The following ZFHX3 variants were observed in gnomAD, a reference collection of about 807,000 sequenced individuals.
The protein encoded by ZFHX3 is zinc finger homeobox 3, also known as zinc finger homeobox protein 3.
Under a neutral mutation model 279.1 loss-of-function variants are expected in ZFHX3, and 42 were observed. The observed-to-expected ratio is 0.15, with a 90% CI of 0.12 to 0.19. The LOEUF is 0.19. Among genes scored for constraint, ZFHX3 ranks in the 10% least tolerant of loss-of-function variants. The pLI, the probability that ZFHX3 is intolerant of heterozygous loss-of-function variation, is 1.00. For missense variants in ZFHX3, 4,981 were observed against 4,754.0 expected (o/e 1.05, Z -1.40); for synonymous variants, 2,293 against 1,957.8 (o/e 1.17, Z -4.52).
Position 72,793,667 on chromosome 16 carries a change from C to A in ZFHX3, c.9015G>T (p.Lys3005Asn). 6.2e-7 allele frequency: 1 copy of A among 1,614,170 alleles called. No homozygotes were observed. Residue 3005 changes from lysine (K) to asparagine (N), a missense_variant, in exon 9 of 10, where the codon AAG becomes AAT. Transcript: ENST00000268489. The surrounding 1 kb of genome is among the most constrained non-coding windows in gnomAD (Gnocchi z 4.3). The stretch of plus-strand genomic sequence containing the variant: ...TACCAAAATGCTTGGCCATGCTTAA[C>A]TTGGACTTCTTTTCTTTTGCCCGGG... ...QNARAKEKKS[K>N]LSMAKHFGIN...
intron 2 of ZFHX3, among the ~76,000 whole-genome samples, chr16:73,666,826 G>C (rs1286418623): frequency 2.0e-5 from 3 of 151,796 alleles, no homozygotes; most frequent in Non-Finnish European, 4.4e-5. Context: ...ACCTGGTTTT[G>C]CTTTTTCCAG....
intron 1 of ZFHX3, among the ~76,000 whole-genome samples, chr16:73,055,678 A>ACG (rs141836776): frequency 0.037 from 4,387 of 116,992 alleles, 139 homozygotes; most frequent in African/African-American, 0.091. Flanking sequence ...GTGCAGACGT[A>ACG]CGCGCGCGCG....
chr16:73,459,814 C>G (rs764847009), intron 2 of ZFHX3, among the ~76,000 whole-genome samples: 5 of 151,922 alleles, frequency 3.3e-5, no homozygotes, highest in Non-Finnish European at 7.4e-5. Context: ...GGAAAGAGCC[C>G]CTTACAAAAC....
intron 1 of ZFHX3, chr16:73,015,915 G>C (rs1367271239): frequency 6.6e-6 from 1 of 152,232 alleles, no homozygotes; most frequent in Non-Finnish European, 1.5e-5. Context: ...TCCAGGACTG[G>C]GTTTTACACA....
intron 3 of ZFHX3, among the ~76,000 whole-genome samples, chr16:73,416,678 C>T (rs1158880621): frequency 6.6e-6 from 1 of 152,024 alleles, no homozygotes; most frequent in East Asian, 1.9e-4. Flanking sequence ...TCGAGACCAT[C>T]CTGGCTAACA....
At position 72,797,705 on chromosome 16, in the gene ZFHX3, G is replaced by C; in HGVS notation, c.4977C>G (p.Gly1659=). The change falls in exon 9 of 10, where the codon GGC becomes GGG. Residue 1659 remains glycine, a synonymous_variant. Coordinates refer to ENST00000268489, the MANE Select transcript of ZFHX3 (RefSeq NM_006885.4). Reference sequence around the variant, plus strand: ...GATTGGAGGTGGTAAAGGTGTTACTGCCACTGGTGCTCACAGGACTTGGCG... The same window carrying C: ...GATTGGAGGTGGTAAAGGTGTTACTCCCACTGGTGCTCACAGGACTTGGCG... ...SSTPSPVSTS[G]SNTFTTSNPS... is the part of the protein sequence containing the mutation. 2 of 1,614,128 alleles carry C rather than the reference G, an allele frequency of 1.2e-6. No individual in the cohort carries two copies. Among genetic ancestry groups the C allele is most frequent in the Non-Finnish European group, 1.7e-6 (2 of 1,180,032 alleles).
chr16:73,474,797 T>C (rs1051469814), intron 2 of ZFHX3, among the ~76,000 whole-genome samples: 2 of 152,190 alleles, frequency 1.3e-5, no homozygotes, highest in African/African-American at 2.4e-5. Flanking sequence ...TAGTAAATGC[T>C]CAACAAATGC....
intron 5 of ZFHX3, among the ~76,000 whole-genome samples, chr16:73,168,213 TTC>T (rs1231763549): frequency 1.1e-5 from 1 of 93,238 alleles, no homozygotes; most frequent in Non-Finnish European, 2.3e-5. Flanking sequence ...TTCTTTTGTT[TTC>T]TTTCTTTCTT....
chr16:72,971,212 G>T (rs1962091545), intron 1 of ZFHX3, among the ~76,000 whole-genome samples: 2 of 152,066 alleles, frequency 1.3e-5, no homozygotes, highest in Admixed American at 6.6e-5. Context: ...TATACACATT[G>T]CATAATTTCC....
At chr16:73,172,988 G>A (rs1219993296) in intron 5 of ZFHX3, among the ~76,000 whole-genome samples, 2 of 46,170 alleles carry the variant, frequency 4.3e-5, no homozygotes, top group African/African-American at 2.4e-4. Context: ...TGATGGGACT[G>A]TTTTTTTGTT....
intron 3 of ZFHX3, among the ~76,000 whole-genome samples, chr16:73,339,251 C>T (rs975006646): frequency 6.6e-6 from 1 of 152,122 alleles, no homozygotes; most frequent in Non-Finnish European, 1.5e-5. Flanking sequence ...CACTGTGCAA[C>T]TTTTTCTTCT....
intron 2 of ZFHX3, among the ~76,000 whole-genome samples, chr16:73,658,164 A>G (rs2052741471): frequency 6.6e-6 from 1 of 152,172 alleles, no homozygotes; most frequent in African/African-American, 2.4e-5. Flanking sequence ...TCTTGTGACC[A>G]CTATAATCAA....
chr16:73,789,055 T>A (rs1959746328), intron 1 of ZFHX3, among the ~76,000 whole-genome samples: 1 of 150,624 alleles, frequency 6.6e-6, no homozygotes, highest in Non-Finnish European at 1.5e-5. Flanking sequence ...TATATAGATA[T>A]CTTATATATA....
chr16:73,218,310 C>G (rs1050153907), intron 5 of ZFHX3, among the ~76,000 whole-genome samples: 1 of 152,164 alleles, frequency 6.6e-6, no homozygotes, highest in Admixed American at 6.6e-5. Context: ...CTTAAAATCT[C>G]ATAACAGAGA....
chr16:73,393,331 T>C (rs1286912617), intron 3 of ZFHX3, among the ~76,000 whole-genome samples: 2 of 152,226 alleles, frequency 1.3e-5, no homozygotes, highest in Non-Finnish European at 2.9e-5. Flanking sequence ...CTCAATGGGC[T>C]GATGACTGGG....
chr16:73,084,248 T>A (rs1036066934), intron 8 of ZFHX3, among the ~76,000 whole-genome samples: 1 of 152,090 alleles, frequency 6.6e-6, no homozygotes, highest in Non-Finnish European at 1.5e-5. Flanking sequence ...GCCAGAGAAA[T>A]TAGGCAAGAG....
At chr16:73,213,146 C>G (rs1261649653) in intron 5 of ZFHX3, among the ~76,000 whole-genome samples, 1 of 152,154 alleles carries the variant, frequency 6.6e-6, no homozygotes, top group Non-Finnish European at 1.5e-5. Flanking sequence ...GAGAGGGATT[C>G]TTTAGCCCTG....
intron 1 of ZFHX3, among the ~76,000 whole-genome samples, chr16:73,856,857 T>C (rs1323337056): frequency 6.6e-6 from 1 of 152,220 alleles, no homozygotes; most frequent in African/African-American, 2.4e-5. Flanking sequence ...AGAAACTGTA[T>C]AAAGCATACA....
At position 73,578,076 on chromosome 16, in the gene ZFHX3, A is replaced by G. The variant is rs150984302; in HGVS notation, c.-1547+102104T>C. ...CCAAATGGATGTGTGGCTCTGCTCA[A>G]ACCCAGCATTTCGCAAATATAACAC... is the stretch of plus-strand genomic sequence containing the variant. On this transcript the variant is annotated intron_variant, in intron 2 of 17. Coordinates refer to the ZFHX3 transcript ENST00000641206. Among the ~76,000 whole-genome samples the G allele has an allele frequency of 4.3e-3, 652 of 152,370 alleles. 8 individuals are homozygous for G. The highest frequency in any genetic ancestry group is 6.5e-3 in the Non-Finnish European group (439 of 68,042).
Sources: gnomAD v4.1 joint callset for allele counts (sites outside exome capture counted in the v4.1 genomes callset) on GRCh38, gnomAD v4.1.1 for gene constraint, Gnocchi (gnomAD v3.1) non-coding constraint, MANE v1.5 for transcripts, NCBI Gene and HGNC (gene_info 2026-07-23, HGNC 2026-07-21) for gene names.